The following RABGAP1L variants were observed in gnomAD, a reference collection of about 807,000 sequenced individuals.
RABGAP1L encodes the protein RAB GTPase activating protein 1 like.
A neutral mutation model predicts 137.7 loss-of-function variants in RABGAP1L; 63 were observed. The ratio of observed to expected loss-of-function variants is 0.46; its 90% confidence interval spans 0.37 to 0.56. The LOEUF is 0.56. RABGAP1L is among the 20% of genes least tolerant of loss of function. The pLI is 0.00. For missense variants in RABGAP1L, 1,095 were observed against 1,244.0 expected (o/e 0.88, Z 1.80); for synonymous variants, 431 against 433.7 (o/e 0.99, Z 0.08).
chr1:174,472,195 C>G (rs982145965), intron 13 of RABGAP1L, among the ~76,000 whole-genome samples: 2 of 152,152 alleles, frequency 1.3e-5, no homozygotes, highest in South Asian at 4.1e-4. Context: ...CAGACTGAGA[C>G]TGAGACAGAG....
intron 11 of RABGAP1L, among the ~76,000 whole-genome samples, chr1:174,348,488 C>A (rs1472665464): frequency 1.1e-4 from 15 of 135,894 alleles, no homozygotes; most frequent in Non-Finnish European, 1.8e-4. Flanking sequence ...ATTGATAATT[C>A]TTGGGTGTTT....
At chr1:174,732,060 G>A (rs534683204) in intron 17 of RABGAP1L, among the ~76,000 whole-genome samples, 1 of 152,248 alleles carries the variant, frequency 6.6e-6, no homozygotes, top group African/African-American at 2.4e-5. Context: ...AAATTAGCTG[G>A]GTGTTGTGGC....
intron 20 of RABGAP1L, among the ~76,000 whole-genome samples, chr1:174,959,822 A>G (rs1026194986): frequency 1.3e-5 from 2 of 152,198 alleles, no homozygotes; most frequent in Non-Finnish European, 2.9e-5. Context: ...TAAGTTTCTA[A>G]CCATCAACAT....
intron 18 of RABGAP1L, among the ~76,000 whole-genome samples, chr1:174,803,081 T>C (rs1359494480): frequency 6.6e-6 from 1 of 152,216 alleles, no homozygotes; most frequent in African/African-American, 2.4e-5. Context: ...ATAAAACCAG[T>C]CATTTTTCAA....
rs565391960 is a variant in RABGAP1L at position 174,250,640 on chromosome 1, A to T, written c.875+8A>T. The T allele has an allele frequency of 1.1e-5, 17 of 1,609,266 alleles. No individual in the cohort carries two copies. In the African/African-American group the frequency reaches 2.1e-4, roughly 20 times the overall value. On this transcript the variant is annotated splice_region_variant and intron_variant, in intron 6 of 25. Transcript: ENST00000681986. ...TGGAAAAGGAAACTTTAGGTGAGGC[A>T]TTTGGAAAGATTAAAAATTCGCATT...
intron 17 of RABGAP1L, among the ~76,000 whole-genome samples, chr1:174,749,127 G>C (rs1211458920): frequency 6.7e-6 from 1 of 149,850 alleles, no homozygotes; most frequent in Non-Finnish European, 1.5e-5. Flanking sequence ...AGTGAGCCAA[G>C]ATTGCACCAC....
chr1:174,299,948 A>G (rs1394617439), intron 10 of RABGAP1L, among the ~76,000 whole-genome samples: 1 of 152,214 alleles, frequency 6.6e-6, no homozygotes, highest in African/African-American at 2.4e-5. Flanking sequence ...TGTGAGTAGC[A>G]AAATACCCAG....
At chr1:174,893,611 A>G (rs1483054051) in intron 19 of RABGAP1L, among the ~76,000 whole-genome samples, 1 of 152,158 alleles carries the variant, frequency 6.6e-6, no homozygotes, top group Non-Finnish European at 1.5e-5. Context: ...GAACTGTTTT[A>G]TTTTCTTTGA....
intron 11 of RABGAP1L, among the ~76,000 whole-genome samples, chr1:174,337,331 AG>A (rs1681573555): frequency 6.6e-6 from 1 of 152,064 alleles, no homozygotes; most frequent in African/African-American, 2.4e-5. Flanking sequence ...AGAAAATCTC[AG>A]GGAAGAGTAG....
At chr1:174,164,178 G>C (rs1329029856) in intron 1 of RABGAP1L, among the ~76,000 whole-genome samples, 1 of 151,352 alleles carries the variant, frequency 6.6e-6, no homozygotes, top group Non-Finnish European at 1.5e-5. Context: ...ATGTAGGGCT[G>C]AACAAATGCT....
chr1:174,547,781 A>G (rs1666138394), intron 13 of RABGAP1L: 1 of 1,380,604 alleles, frequency 7.2e-7, no homozygotes, highest in African/African-American at 1.5e-5. Flanking sequence ...TAGATGCATC[A>G]GTTTATTACC....
At chr1:174,659,667 T>A (rs1384718207) in intron 14 of RABGAP1L, among the ~76,000 whole-genome samples, 5 of 152,226 alleles carry the variant, frequency 3.3e-5, no homozygotes, top group African/African-American at 4.8e-5. Flanking sequence ...AATTTATATA[T>A]CTGACCCCAA....
chr1:174,546,416 A>T (rs180998249), intron 13 of RABGAP1L, among the ~76,000 whole-genome samples: 4 of 152,228 alleles, frequency 2.6e-5, no homozygotes, highest in Non-Finnish European at 5.9e-5. Flanking sequence ...ATAGACTATT[A>T]AACCACTGCT....
intron 19 of RABGAP1L, among the ~76,000 whole-genome samples, chr1:174,856,123 G>A (rs573347910): frequency 5.9e-4 from 90 of 152,310 alleles, no homozygotes; most frequent in African/African-American, 2.0e-3. Flanking sequence ...CAAGCTGGAC[G>A]CAGTGGCTCA....
At chr1:174,398,543 G>C (rs1648159812) in intron 13 of RABGAP1L, among the ~76,000 whole-genome samples, 1 of 152,064 alleles carries the variant, frequency 6.6e-6, no homozygotes, top group South Asian at 2.1e-4. Context: ...AGGGTTAAAA[G>C]GTTACTGTCC....
chr1:174,959,750 A>G (rs1457853338), intron 20 of RABGAP1L, among the ~76,000 whole-genome samples: 1 of 152,162 alleles, frequency 6.6e-6, no homozygotes, highest in Non-Finnish European at 1.5e-5. Context: ...TCCTGGTAAT[A>G]CACTTGGTGA....
At chr1:174,732,673 T>G (rs1213702043) in intron 17 of RABGAP1L, among the ~76,000 whole-genome samples, 1 of 152,140 alleles carries the variant, frequency 6.6e-6, no homozygotes, top group Non-Finnish European at 1.5e-5. Context: ...CATAATATAG[T>G]AAAAAGAACA....
At chr1:174,494,544 C>T (rs1178274387) in intron 13 of RABGAP1L, among the ~76,000 whole-genome samples, 1 of 152,142 alleles carries the variant, frequency 6.6e-6, no homozygotes, top group African/African-American at 2.4e-5. Context: ...GAGTCTTAAT[C>T]ATTAATTGTT....
rs75951531 is a variant in RABGAP1L, at chr1:174,270,808, C to A, written c.987-1606C>A. 5.2e-3 allele frequency among the ~76,000 whole-genome samples: 795 copies of A among 151,600 alleles called. 7 individuals carry two copies. The highest frequency in any genetic ancestry group is 0.019 in the African/African-American group (773 of 41,380). The stretch of plus-strand genomic sequence containing the variant: ...TATATAATGGGTTTGTAATTTAAAC[C>A]CTATAATATAGAACATTGTTCTTAA... On this transcript the variant is annotated intron_variant, in intron 7 of 25. Transcript: ENST00000681986.
Sources: allele counts gnomAD v4.1 joint callset (sites outside exome capture counted in the v4.1 genomes callset), GRCh38; gene constraint gnomAD v4.1.1; transcripts MANE v1.5; gene names NCBI Gene and HGNC (gene_info 2026-07-23, HGNC 2026-07-21).